The following DGKG variants were observed in gnomAD, a reference collection of about 807,000 sequenced individuals.
DGKG encodes DAG kinase gamma.
A neutral mutation model predicts 105.3 loss-of-function variants in DGKG; 78 were observed. The ratio of observed to expected loss-of-function variants is 0.74; its 90% CI spans 0.62 to 0.89. DGKG has a LOEUF of 0.89. DGKG is among the 40% of genes least tolerant of loss of function. DGKG has a pLI of 0.00. For synonymous variants in DGKG, 346 were observed against 367.1 expected (o/e 0.94, Z 0.66); for missense variants, 958 against 1,020.1 (o/e 0.94, Z 0.83).
At chr3:186,275,455 G>T in intron 10 of DGKG, 92 bp downstream of exon 10, 2 of 1,142,390 alleles carry the variant, frequency 1.8e-6, no homozygotes, top group Non-Finnish European at 1.3e-6. Context: ...CTGGGAAGCA[G>T]AAATACCAAC....
intron 5 of DGKG, among the ~76,000 whole-genome samples, chr3:186,291,615 A>T (rs985850124): frequency 6.6e-6 from 1 of 152,188 alleles, no homozygotes; most frequent in African/African-American, 2.4e-5. Context: ...AAATTATTAC[A>T]TGGAGTGAAA....
chr3:186,230,352 T>C (rs2108539651), intron 20 of DGKG, among the ~76,000 whole-genome samples: 2 of 152,246 alleles, frequency 1.3e-5, no homozygotes, highest in South Asian at 4.1e-4. Context: ...ATGGGTTGGT[T>C]AAGTAGGTTC....
intron 3 of DGKG, among the ~76,000 whole-genome samples, chr3:186,302,460 C>CTATA (rs58937810): frequency 2.0e-4 from 10 of 48,792 alleles, no homozygotes; most frequent in East Asian, 7.4e-4. Flanking sequence ...GGGAAATGTG[C>CTATA]TATATATATA....
At chr3:186,172,490 G>T (rs887899226) in intron 22 of DGKG, among the ~76,000 whole-genome samples, 15 of 152,252 alleles carry the variant, frequency 9.9e-5, no homozygotes, top group Non-Finnish European at 2.1e-4. Flanking sequence ...GAGCATCTGT[G>T]TCATGTGATA....
At chr3:186,174,792 T>C (rs1716997185) in intron 22 of DGKG, among the ~76,000 whole-genome samples, 3 of 151,732 alleles carry the variant, frequency 2.0e-5, no homozygotes, top group African/African-American at 7.3e-5. Context: ...AAGGCATGGG[T>C]TGGATACTCT....
chr3:186,303,247 G>T (rs1032648934), intron 3 of DGKG, among the ~76,000 whole-genome samples: 5 of 152,184 alleles, frequency 3.3e-5, no homozygotes, highest in African/African-American at 1.2e-4. Context: ...AATGCATGAT[G>T]AGAGACTAAC....
intron 23 of DGKG, among the ~76,000 whole-genome samples, chr3:186,162,766 TCTC>T (rs1716361460): frequency 6.6e-6 from 1 of 151,992 alleles, no homozygotes; most frequent in African/African-American, 2.4e-5. Flanking sequence ...ATGGTCTCGA[TCTC>T]CTGACCTCGT....
intron 5 of DGKG, among the ~76,000 whole-genome samples, chr3:186,289,550 G>T (rs1723223978): frequency 6.6e-6 from 1 of 152,094 alleles, no homozygotes; most frequent in East Asian, 1.9e-4. Flanking sequence ...AGAAATATAA[G>T]CTCTATTACT....
At chr3:186,213,516 A>G (rs1179497505) in intron 20 of DGKG, among the ~76,000 whole-genome samples, 1 of 152,230 alleles carries the variant, frequency 6.6e-6, no homozygotes, top group African/African-American at 2.4e-5. Flanking sequence ...GATTTTATGA[A>G]GATGCACATT....
rs143207485 is a variant in DGKG at position 186,270,210 on chromosome 3, C to T, written c.1000-1293G>A. 5.9e-3 allele frequency among the ~76,000 whole-genome samples: 901 copies of T among 152,280 alleles called. 8 individuals carry two copies. The highest frequency in any genetic ancestry group is 0.02 in the African/African-American group (827 of 41,560). ...GCATGATCACAACTCACTGCAGCCT[C>T]GATCCTCCAGGTTCAAGCAATCCTC... On this transcript the variant is annotated intron_variant, in intron 11 of 24. Transcript: ENST00000265022.
At position 186,257,879 on chromosome 3, in the gene DGKG, T is replaced by G. The variant is rs1414983898; in HGVS notation, c.1485A>C (p.Thr495=). The G allele has an allele frequency of 6.2e-7, 1 of 1,614,106 alleles. No individual in the cohort carries two copies. The highest frequency in any genetic ancestry group is 1.7e-5 in the Admixed American group (1 of 60,024). The part of the protein sequence containing the change: ...FRVLACGGDG[T]VGWILDCIDK... ...CAATGCAATCCAAAATCCAGCCAAC[T>G]GTCCCATCTCCACCACAGGCCAAAA... is the stretch of plus-strand genomic sequence containing the variant. Residue 495 remains threonine (T), a synonymous_variant, in exon 17 of 25, where the codon ACA becomes ACC. Coordinates refer to ENST00000265022, the MANE Select transcript of DGKG (RefSeq NM_001346.3).
intron 21 of DGKG, among the ~76,000 whole-genome samples, chr3:186,201,317 G>A (rs1355588608): frequency 1.3e-5 from 2 of 152,092 alleles, no homozygotes; most frequent in South Asian, 2.1e-4. Flanking sequence ...ATGGCCTGGG[G>A]GCCAGCAGGG....
intron 1 of DGKG, among the ~76,000 whole-genome samples, chr3:186,323,191 C>T (rs1467816675): frequency 6.6e-6 from 1 of 152,170 alleles, no homozygotes; most frequent in Non-Finnish European, 1.5e-5. Context: ...TTTCATGATA[C>T]ACAAAGCTCT....
At chr3:186,224,302 C>A (rs1260149492) in intron 20 of DGKG, among the ~76,000 whole-genome samples, 1 of 152,122 alleles carries the variant, frequency 6.6e-6, no homozygotes, top group Non-Finnish European at 1.5e-5. Context: ...GCTCTGTGTT[C>A]CCCATATGTG....
chr3:186,358,525 T>TGTGTGTGTGTGTGTGTGTG (rs1560172397), intron 1 of DGKG, among the ~76,000 whole-genome samples: 2 of 152,142 alleles, frequency 1.3e-5, no homozygotes, highest in Non-Finnish European at 1.5e-5. Flanking sequence ...TGTGTGTGTG[T>TGTGTGTGTGTGTGTGTGTG]TTTGTATTGC....
intron 20 of DGKG, among the ~76,000 whole-genome samples, chr3:186,229,447 G>C (rs1720025779): frequency 6.6e-6 from 1 of 152,088 alleles, no homozygotes; most frequent in African/African-American, 2.4e-5. Context: ...GTTTCACCAT[G>C]TTGGCCAGGC....
At chr3:186,204,776 G>A (rs1456602512) in intron 21 of DGKG, among the ~76,000 whole-genome samples, 1 of 152,096 alleles carries the variant, frequency 6.6e-6, no homozygotes, top group African/African-American at 2.4e-5. Context: ...TCTCTAGATC[G>A]ATGTTGAGAA....
At chr3:186,179,100 T>G (rs988551789) in intron 22 of DGKG, among the ~76,000 whole-genome samples, 2 of 152,242 alleles carry the variant, frequency 1.3e-5, no homozygotes, top group African/African-American at 2.4e-5. Flanking sequence ...TCTGCACTTC[T>G]GACACACACC....
At chr3:186,218,342 A>C (rs1329638128) in intron 20 of DGKG, among the ~76,000 whole-genome samples, 1 of 151,822 alleles carries the variant, frequency 6.6e-6, no homozygotes, top group East Asian at 1.9e-4. Flanking sequence ...GTCTCTACTA[A>C]AAATACAAAA....
Sources: gnomAD v4.1 joint callset for allele counts (sites outside exome capture counted in the v4.1 genomes callset) on GRCh38, gnomAD v4.1.1 for gene constraint, MANE v1.5 for transcripts, NCBI Gene and HGNC (gene_info 2026-07-23, HGNC 2026-07-21) for gene names.